The following UNC13C variants were observed in gnomAD, a reference collection of about 807,000 sequenced individuals.
UNC13C encodes the protein unc-13 homolog C.
In UNC13C, 174 loss-of-function variants were observed where a neutral mutation model predicts 245.4. That is an observed-to-expected ratio of 0.71 (90% CI 0.63 to 0.80). The LOEUF is 0.80. Among genes scored for constraint, UNC13C ranks in the 30% least tolerant of loss-of-function variants. The probability of loss-of-function intolerance (pLI) is 0.00; values close to 1 mark genes in which losing one functional copy is unlikely to be tolerated. For missense variants in UNC13C, 2,829 were observed against 2,602.9 expected (o/e 1.09, Z -1.89); for synonymous variants, 992 against 895.1 (o/e 1.11, Z -1.93).
chr15:54,222,065 T>G (rs12901305), intron 4 of UNC13C, among the ~76,000 whole-genome samples: 39,433 of 151,992 alleles, frequency 0.26, 5,686 homozygotes, highest in Non-Finnish European at 0.31. Context: ...AAATGGGATA[T>G]CCATCAACTC....
At position 54,566,065 on chromosome 15, in the gene UNC13C, T is replaced by C. The variant is rs181461658; in HGVS notation, c.5959-1735T>C. Among the ~76,000 whole-genome samples the C allele has an allele frequency of 2.5e-3, 380 of 151,978 alleles. 1 individual carries two copies. The highest frequency in any genetic ancestry group is 3.9e-3 in the Non-Finnish European group (265 of 67,918). ...AGAGAAAGTGCCTTCCTTTCCAGAG[T>C]TCCCCCCCTACTCTTGGCTCAGTTT... On this transcript the variant is annotated intron_variant, in intron 29 of 32. Transcript: ENST00000260323.
chr15:54,066,899 A>T (rs989829749), intron 2 of UNC13C, among the ~76,000 whole-genome samples: 3 of 152,118 alleles, frequency 2.0e-5, no homozygotes. Context: ...GATTCCAGGG[A>T]TCAGTGCTGA....
At chr15:54,122,583 T>C (rs1291237131) in intron 2 of UNC13C, among the ~76,000 whole-genome samples, 1 of 151,898 alleles carries the variant, frequency 6.6e-6, no homozygotes, top group Non-Finnish European at 1.5e-5. Context: ...ACAATCAAGA[T>C]AGAAAAAAAA....
intron 2 of UNC13C, among the ~76,000 whole-genome samples, chr15:54,119,917 AGAG>A (rs2030551295): frequency 6.6e-6 from 1 of 152,164 alleles, no homozygotes; most frequent in Admixed American, 6.5e-5. Context: ...ATGAAGGGTA[AGAG>A]GAGTGAGGAA....
chr15:53,885,123 C>T, the UNC13C span, among the ~76,000 whole-genome samples: 1 of 152,210 alleles, frequency 6.6e-6, no homozygotes, highest in African/African-American at 2.4e-5. Context: ...AGCAATGTGA[C>T]AAGTGGATAC....
chr15:53,894,029 G>T, the UNC13C span, among the ~76,000 whole-genome samples: 2,330 of 152,320 alleles, frequency 0.015, 98 homozygotes, highest in East Asian at 0.13. Flanking sequence ...GAAAAGTGCA[G>T]TATCTGGGCT....
intron 4 of UNC13C, among the ~76,000 whole-genome samples, chr15:54,145,687 T>A (rs1029091499): frequency 6.6e-6 from 1 of 152,222 alleles, no homozygotes; most frequent in Non-Finnish European, 1.5e-5. Context: ...AAGTTAGTTA[T>A]GAAAATTGTT....
intron 17 of UNC13C, among the ~76,000 whole-genome samples, chr15:54,359,962 C>T (rs753027798): frequency 2.6e-5 from 4 of 151,828 alleles, no homozygotes; most frequent in Admixed American, 1.3e-4. Flanking sequence ...ATTGCTATAA[C>T]TTCCCTCTTA....
intron 2 of UNC13C, among the ~76,000 whole-genome samples, chr15:54,035,717 C>A (rs1896551805): frequency 6.6e-6 from 1 of 152,068 alleles, no homozygotes; most frequent in African/African-American, 2.4e-5. Context: ...GGGAAGTTTT[C>A]CATCAACCAA....
At chr15:54,499,292 G>C (rs1252626621) in intron 20 of UNC13C, among the ~76,000 whole-genome samples, 1 of 152,028 alleles carries the variant, frequency 6.6e-6, no homozygotes, top group East Asian at 1.9e-4. Flanking sequence ...ACAGCACCAA[G>C]GGGATAGTTC....
Position 54,446,494 on chromosome 15 carries a change from T to G in UNC13C, c.4933+31427T>G, listed in dbSNP as rs140965862. Among the ~76,000 whole-genome samples, 764 of 152,340 alleles carry G rather than the reference T, an allele frequency of 5.0e-3. 5 individuals carry two copies. The highest frequency in any genetic ancestry group is 0.017 in the African/African-American group (714 of 41,568). On this transcript the variant is annotated intron_variant, in intron 19 of 32. Coordinates refer to ENST00000260323, the MANE Select transcript of UNC13C (RefSeq NM_001080534.3). The stretch of plus-strand genomic sequence containing the variant: ...TTGAACATTGGTTTCTAGTTCTCCT[T>G]GAAGAGGTCCTTCACATCCCTTGTA...
At chr15:53,886,959 G>C in the UNC13C span, among the ~76,000 whole-genome samples, 1 of 152,024 alleles carries the variant, frequency 6.6e-6, no homozygotes, top group Admixed American at 6.6e-5. Context: ...CAAAAACAAG[G>C]AAAAACTGAG....
In UNC13C at chr15:54,014,585, C is replaced by T; in HGVS notation, c.1682C>T (p.Ser561Leu). The T allele has an allele frequency of 6.2e-7, 1 of 1,613,682 alleles. No homozygotes were observed. The highest frequency in any genetic ancestry group is 8.5e-7 in the Non-Finnish European group (1 of 1,179,782). ...SDFSKLCQSY[S>L]EDFSENQFFT... ...TTTTCCAAATTGTGTCAGTCTTACT[C>T]AGAAGATTTTTCAGAAAATCAGTTT... is the stretch of plus-strand genomic sequence containing the variant. Residue 561 changes from serine (S) to leucine (L), a missense_variant, in exon 2 of 33, where the codon TCA (serine) becomes TTA (leucine). By Grantham distance (145) the Ser-to-Leu change is moderately radical. Coordinates refer to ENST00000260323, the MANE Select transcript of UNC13C (RefSeq NM_001080534.3).
At chr15:53,906,779 T>A in the UNC13C span, among the ~76,000 whole-genome samples, 1 of 152,200 alleles carries the variant, frequency 6.6e-6, no homozygotes, top group African/African-American at 2.4e-5. Flanking sequence ...TTTAAATGAC[T>A]CACAATTCCA....
At chr15:54,086,567 T>C (rs1380707793) in intron 2 of UNC13C, among the ~76,000 whole-genome samples, 2 of 152,024 alleles carry the variant, frequency 1.3e-5, no homozygotes, top group Non-Finnish European at 2.9e-5. Context: ...TTCTCATTTG[T>C]GTTTGTTTTG....
At chr15:53,963,591 C>T in the UNC13C span, among the ~76,000 whole-genome samples, 1 of 152,030 alleles carries the variant, frequency 6.6e-6, no homozygotes. Flanking sequence ...TATTATCTAT[C>T]GTTAATTCTC....
At chr15:54,601,094 T>A (rs1054106655) in intron 30 of UNC13C, among the ~76,000 whole-genome samples, 1 of 152,138 alleles carries the variant, frequency 6.6e-6, no homozygotes, top group Non-Finnish European at 1.5e-5. Context: ...GGCTTGAGGG[T>A]TGGACAAGCT....
At chr15:54,339,259 A>T (rs1283701735) in intron 17 of UNC13C, among the ~76,000 whole-genome samples, 2 of 152,162 alleles carry the variant, frequency 1.3e-5, no homozygotes, top group Non-Finnish European at 2.9e-5. Flanking sequence ...AATGGCTATT[A>T]TTATTATTTT....
chr15:54,464,806 G>A (rs1386701936), intron 19 of UNC13C, among the ~76,000 whole-genome samples: 1 of 151,726 alleles, frequency 6.6e-6, no homozygotes, highest in Non-Finnish European at 1.5e-5. Flanking sequence ...CTCCTGGCCA[G>A]TAAAAGGTAT....
Sources: allele counts gnomAD v4.1 joint callset (sites outside exome capture counted in the v4.1 genomes callset), GRCh38; gene constraint gnomAD v4.1.1; transcripts MANE v1.5; gene names NCBI Gene and HGNC (gene_info 2026-07-23, HGNC 2026-07-21).